Variants in ADAMTS9 observed in about 807,000 individuals in gnomAD.
ADAMTS9 encodes A disintegrin and metalloproteinase with thrombospondin motifs 9.
In ADAMTS9, 107 loss-of-function variants were observed where a neutral mutation model predicts 257.1. The ratio of observed to expected loss-of-function variants is 0.42; its 90% CI spans 0.36 to 0.49. The LOEUF is 0.49. ADAMTS9 is among the 20% of genes least tolerant of loss of function. The pLI, the probability that ADAMTS9 is intolerant of heterozygous loss-of-function variation, is 0.03. For missense variants in ADAMTS9, 2,353 were observed against 2,469.1 expected, an observed-to-expected ratio of 0.95 and a Z score of 1.00; for synonymous variants, 982 against 880.9, an observed-to-expected ratio of 1.11 and a Z score of -2.03.
chr3:64,628,525 T>C (rs1700283807), intron 16 of ADAMTS9, among the ~76,000 whole-genome samples: 1 of 152,156 alleles, frequency 6.6e-6, no homozygotes, highest in South Asian at 2.1e-4. Flanking sequence ...TATAACCAAG[T>C]GTACAAAGAA....
At chr3:64,542,000 G>A (rs1301727724) in intron 32 of ADAMTS9, 30 bp from the exon 33 acceptor site, 7 of 1,613,350 alleles carry the variant, frequency 4.3e-6, no homozygotes, top group Admixed American at 1.7e-5. Flanking sequence ...CAGCGGTGTG[G>A]CTATGGAATG....
chr3:64,551,744 A>G (rs1404513298), intron 30 of ADAMTS9, among the ~76,000 whole-genome samples: 1 of 152,218 alleles, frequency 6.6e-6, no homozygotes, highest in African/African-American at 2.4e-5. Flanking sequence ...GTACCTTCCC[A>G]GATAGCCATC....
intron 28 of ADAMTS9, among the ~76,000 whole-genome samples, chr3:64,569,985 T>C (rs893619493): frequency 1.3e-5 from 2 of 152,226 alleles, no homozygotes; most frequent in Non-Finnish European, 2.9e-5. Flanking sequence ...GCTTTTAGAA[T>C]GAAGTTCCTA....
At chr3:64,672,685 A>C (rs1701523492) in intron 3 of ADAMTS9, among the ~76,000 whole-genome samples, 1 of 152,140 alleles carries the variant, frequency 6.6e-6, no homozygotes, top group Admixed American at 6.5e-5. Context: ...TCTCAAAACA[A>C]CAACAACAAC....
At chr3:64,527,935 G>A (rs1218546197) in intron 38 of ADAMTS9, among the ~76,000 whole-genome samples, 1 of 152,182 alleles carries the variant, frequency 6.6e-6, no homozygotes, top group Non-Finnish European at 1.5e-5. Context: ...TCAGGTGCCT[G>A]AACTCCACTG....
In ADAMTS9 at chr3:64,521,093, T is replaced by C. The variant is rs369806829; in HGVS notation, c.*5+1073A>G. On this transcript the variant is annotated intron_variant, in intron 39 of 39. Transcript: ENST00000498707. ...AGAATCTATAAGGAACTTAAGCAAA[T>C]CAACAAGAAAAAAACAAATAACCCT... 4.0e-5 allele frequency among the ~76,000 whole-genome samples: 6 copies of C among 151,668 alleles called. No homozygotes were observed. The East Asian group carries it at 5.8e-4, about 15-fold the overall frequency.
chr3:64,519,204 T>C (rs79201763), intron 39 of ADAMTS9, among the ~76,000 whole-genome samples: 2,256 of 152,312 alleles, frequency 0.015, 46 homozygotes, highest in African/African-American at 0.052. Context: ...AATGCCACTG[T>C]AGTTTTACTA....
intron 3 of ADAMTS9, among the ~76,000 whole-genome samples, chr3:64,664,239 T>A (rs940574654): frequency 2.0e-4 from 30 of 152,200 alleles, no homozygotes; most frequent in Admixed American, 1.5e-3. Context: ...TTTTTCCTCC[T>A]ACGTAGTTTT....
Position 64,632,464 on chromosome 3 carries a change from AT to A in ADAMTS9, c.2176-540del, listed in dbSNP as rs570292132. On this transcript the variant is annotated intron_variant, in intron 14 of 39. Coordinates refer to ENST00000498707, the MANE Select transcript of ADAMTS9 (RefSeq NM_182920.2). Reference sequence around the variant, plus strand: ...AAAAATTGACTTTATGTAAAATCCCATACGTTTAAATATTGGCTATGAATGC... The same window carrying A: ...AAAAATTGACTTTATGTAAAATCCCAACGTTTAAATATTGGCTATGAATGC... Among the ~76,000 whole-genome samples the A allele has an allele frequency of 7.6e-4, 116 of 152,272 alleles. 1 individual carries two copies. Among genetic ancestry groups the A allele is most frequent in the African/African-American group, 2.6e-3 (109 of 41,542 alleles).
At chr3:64,519,807 G>A (rs1443209073) in intron 39 of ADAMTS9, among the ~76,000 whole-genome samples, 1 of 151,934 alleles carries the variant, frequency 6.6e-6, no homozygotes, top group Non-Finnish European at 1.5e-5. Context: ...CAAAATAAAA[G>A]CCATCTCTAA....
At chr3:64,521,337 G>C (rs1304250634) in intron 39 of ADAMTS9, 1 of 152,164 alleles carries the variant, frequency 6.6e-6, no homozygotes, top group Non-Finnish European at 1.5e-5. Flanking sequence ...GGAATACACT[G>C]TTGGTGGGAC....
chr3:64,522,134 A>G (rs1255009319), intron 39 of ADAMTS9, 32 bp downstream of exon 39: 2 of 1,592,396 alleles, frequency 1.3e-6, no homozygotes, highest in Admixed American at 1.7e-5. Context: ...TAAAAGACAA[A>G]TACACAGACA....
At chr3:64,635,173 G>A (rs1205825517) in intron 12 of ADAMTS9, among the ~76,000 whole-genome samples, 1 of 152,164 alleles carries the variant, frequency 6.6e-6, no homozygotes, top group East Asian at 1.9e-4. Context: ...CCTGCAGCGT[G>A]CCCAGGTCCC....
chr3:64,601,712 C>T (rs755008554), intron 26 of ADAMTS9, among the ~76,000 whole-genome samples: 4 of 152,092 alleles, frequency 2.6e-5, no homozygotes, highest in African/African-American at 4.8e-5. Flanking sequence ...ATCACCTAGC[C>T]ATGATATCCC....
rs139631671 is a variant in ADAMTS9 at position 64,675,124 on chromosome 3, C to T, written c.679+6077G>A. ...AAAATATCCCCTAACTAGACCAGGACATAAGGGCTGAAGAAAATGGTATGT... is the reference window on the plus strand; with the variant it reads ...AAAATATCCCCTAACTAGACCAGGATATAAGGGCTGAAGAAAATGGTATGT... On this transcript the variant is annotated intron_variant, in intron 3 of 39. Coordinates refer to ENST00000498707, the MANE Select transcript of ADAMTS9 (RefSeq NM_182920.2). Among the ~76,000 whole-genome samples the T allele has an allele frequency of 8.0e-4, 122 of 152,270 alleles. No individual in the cohort carries two copies. The East Asian group carries it at 0.021, about 26-fold the overall frequency.
At chr3:64,642,050 C>T in intron 11 of ADAMTS9, 57 bp from the exon 12 acceptor site, 1 of 1,593,224 alleles carries the variant, frequency 6.3e-7, no homozygotes, top group Non-Finnish European at 8.6e-7. Context: ...TGTTACAGGA[C>T]TGGCTGTCCT....
At chr3:64,636,344 C>T (rs776226915) in intron 12 of ADAMTS9, among the ~76,000 whole-genome samples, 5 of 152,158 alleles carry the variant, frequency 3.3e-5, no homozygotes, top group Admixed American at 1.3e-4. Flanking sequence ...GAAACATGGA[C>T]TCTGGAAACA....
At chr3:64,653,638 T>A (rs1319810777) in intron 8 of ADAMTS9, among the ~76,000 whole-genome samples, 1 of 152,114 alleles carries the variant, frequency 6.6e-6, no homozygotes, top group African/African-American at 2.4e-5. Context: ...TTTCAGAAAA[T>A]TATTTCGAAA....
intron 6 of ADAMTS9, 99 bp from the exon 7 acceptor site, chr3:64,654,711 C>A (rs1174787398): frequency 1.5e-6 from 2 of 1,340,956 alleles, no homozygotes; most frequent in African/African-American, 1.5e-5. Flanking sequence ...ACAGTACACA[C>A]TTTGGGGTGG....
Sources: allele counts gnomAD v4.1 joint callset (sites outside exome capture counted in the v4.1 genomes callset), GRCh38; gene constraint gnomAD v4.1.1; transcripts MANE v1.5; gene names NCBI Gene and HGNC (gene_info 2026-07-23, HGNC 2026-07-21).